FCGR2B: variants seen among roughly 807,000 people sequenced by gnomAD.
FCGR2B encodes the protein low affinity immunoglobulin gamma Fc region receptor II-b.
Under a neutral mutation model 24.8 loss-of-function variants are expected in FCGR2B, and 18 were observed. That is an observed-to-expected ratio of 0.73 (90% CI 0.50 to 1.08). FCGR2B has a LOEUF of 1.08. FCGR2B is among the 50% of genes least tolerant of loss of function. The pLI, the probability that FCGR2B is intolerant of heterozygous loss-of-function variation, is 0.00. For synonymous variants in FCGR2B, 79 were observed against 109.8 expected (o/e 0.72, Z 1.75); for missense variants, 215 against 297.6 (o/e 0.72, Z 2.04).
chr1:161,651,709 G>A, the FCGR2B span, among the ~76,000 whole-genome samples: 1 of 120,862 alleles, frequency 8.3e-6, no homozygotes, highest in Non-Finnish European at 1.9e-5. Flanking sequence ...GCCGAGGGGG[G>A]TGGATCACCT....
rs1387078937 is a variant in FCGR2B at position 161,678,053 on chromosome 1, C to T, written c.*500C>T. On this transcript the variant is annotated 3_prime_UTR_variant, in exon 8 of 8. Coordinates refer to ENST00000358671, the MANE Select transcript of FCGR2B (RefSeq NM_001394477.1). ...CTTTTATAATAAAACATTATAAAAA[C>T]AACATTCTGTTTACCTTTTCAAGGC... The T allele has an allele frequency of 4.6e-6, 1 of 216,906 alleles. No individual in the cohort carries two copies. Among genetic ancestry groups the T allele is most frequent in the Non-Finnish European group, 9.3e-6 (1 of 107,842 alleles). 13.4% of individuals were successfully genotyped at this position (216,906 alleles called of 1,614,324 possible).
In FCGR2B at chr1:161,677,481, G is replaced by T. The variant is rs1240895640; in HGVS notation, c.861G>T (p.Glu287Asp). ...CTGGTTTCTGCCTTCTCTAGGCTGAGAACACAATCACCTATTCACTTCTCA... is the reference window on the plus strand; with the variant it reads ...CTGGTTTCTGCCTTCTCTAGGCTGATAACACAATCACCTATTCACTTCTCA... ...NPDEADKVGA[E>D]NTITYSLLMH... is the part of the protein sequence containing the mutation. The change falls in exon 8 of 8, where the codon GAG becomes GAT. Residue 287 changes from glutamate to aspartate, a missense_variant. By Grantham distance (45) the Glu-to-Asp change is conservative (BLOSUM62 2). Around this residue, in one of 5 missense-constraint regions of FCGR2B, gnomAD observed 81 missense variants for 81.6 expected, o/e 0.99. Transcript: ENST00000358671. 1 of 1,613,806 alleles carries T rather than the reference G, an allele frequency of 6.2e-7. No individual in the cohort carries two copies. Among genetic ancestry groups the T allele is most frequent in the African/African-American group, 1.3e-5 (1 of 74,914 alleles).
At chr1:161,677,254 C>T (rs1163311096) in intron 6 of FCGR2B, 74 bp from the exon 7 acceptor site, 3 of 1,485,574 alleles carry the variant, frequency 2.0e-6, no homozygotes, top group Non-Finnish European at 1.9e-6. Context: ...GTTGGTTTTG[C>T]AGCCTCAGCA....
the FCGR2B span, among the ~76,000 whole-genome samples, chr1:161,656,089 T>C: frequency 2.3e-5 from 3 of 128,668 alleles, no homozygotes; most frequent in East Asian, 3.9e-4. Context: ...ACTCCTGAGC[T>C]GAGGTGATCC....
rs1172733464 is a variant in FCGR2B at position 161,671,648 on chromosome 1, T to C, written c.390T>C (p.Ser130=). The change falls in exon 3 of 8, where the codon TCT becomes TCC. Residue 130 remains serine (S), a splice_region_variant and synonymous_variant. Transcript: ENST00000358671. The part of the protein sequence containing the change: ...LSDPVHLTVL[S]EWLVLQTPHL... ...ACCCTGTGCATCTGACTGTGCTTTC[T>C]GGTCAGTGGAGGAAGGCCCCAGGGT... 31 of 1,613,250 alleles carry C rather than the reference T, an allele frequency of 1.9e-5. No individual in the cohort carries two copies. Among genetic ancestry groups the C allele is most frequent in the South Asian group, 1.4e-4 (13 of 91,072 alleles).
chr1:161,677,566 T>C lies in FCGR2B; in HGVS notation c.*13T>C. On this transcript the variant is annotated 3_prime_UTR_variant, in exon 8 of 8. Transcript: ENST00000358671. The stretch of plus-strand genomic sequence containing the variant: ...GAACCGTATTTAGTCTCCATTGTCT[T>C]GCATTGGGATTTGAGAAGAAAATCA... 6.3e-7 allele frequency: 1 copy of C among 1,588,248 alleles called. No homozygotes were observed. The highest frequency in any genetic ancestry group is 8.6e-7 in the Non-Finnish European group (1 of 1,159,688).
chr1:161,672,697 G>A, intron 3 of FCGR2B: 1 of 513,620 alleles, frequency 1.9e-6, no homozygotes, highest in East Asian at 3.5e-5. Flanking sequence ...AGAAGGAGGA[G>A]ATGAGTGTAT....
Position 161,671,439 on chromosome 1 carries a change from G to A in FCGR2B, c.181G>A (p.Val61Met), listed in dbSNP as rs760040736. 5 of 1,614,160 alleles carry A rather than the reference G, an allele frequency of 3.1e-6. No homozygotes were observed. The highest frequency in any genetic ancestry group is 2.2e-5 in the East Asian group (1 of 44,868). ...GAAACTCGAGCCCCAGTGGATCAAC[G>A]TGCTCCAGGAGGACTCTGTGACTCT... ...VLKLEPQWIN[V>M]LQEDSVTLTC... is the part of the protein sequence containing the mutation. The change falls in exon 3 of 8, where the codon GTG becomes ATG. Residue 61 changes from valine to methionine, a missense_variant. By Grantham distance (21) the Val-to-Met change is conservative. Transcript: ENST00000358671.
chr1:161,647,637 C>T, the FCGR2B span, among the ~76,000 whole-genome samples: 1 of 150,692 alleles, frequency 6.6e-6, no homozygotes, highest in Non-Finnish European at 1.5e-5. Flanking sequence ...TCCCCTAGAC[C>T]ATTAGTTGGC....
intron 6 of FCGR2B, 58 bp downstream of exon 6, chr1:161,675,371 T>C (rs1385824353): frequency 3.5e-5 from 45 of 1,293,880 alleles, no homozygotes; most frequent in Admixed American, 4.6e-5. Context: ...CCGGCTGGAC[T>C]GGAGCCAGGG....
the FCGR2B span, among the ~76,000 whole-genome samples, chr1:161,654,339 C>G: frequency 1.7e-5 from 2 of 118,884 alleles, no homozygotes; most frequent in Non-Finnish European, 4.0e-5. Flanking sequence ...TTTCCAGCCC[C>G]TTCCCCAAGG....
rs1374940236 is a variant in FCGR2B at position 161,667,390 on chromosome 1, C to T, written c.113-2862C>T. On this transcript the variant is annotated intron_variant, in intron 1 of 7. Coordinates refer to ENST00000358671, the MANE Select transcript of FCGR2B (RefSeq NM_001394477.1). ...TGGCAGTTCAGTGTCCTTTTGAATG[C>T]GGTGATCGCACATTTACTGCGTCAA... Among the ~76,000 whole-genome samples the T allele has an allele frequency of 7.9e-5, 10 of 126,934 alleles. 2 individuals carry two copies. The highest frequency in any genetic ancestry group is 1.4e-4 in the Non-Finnish European group (8 of 58,940). 83.3% of individuals were successfully genotyped at this position (126,934 alleles called of 152,430 possible). A position where few individuals can be genotyped will look rare whatever the true frequency, so the allele number is the denominator to read the frequency against.
chr1:161,661,378 A>G (rs1243045805), upstream of FCGR2B, among the ~76,000 whole-genome samples: 1 of 124,584 alleles, frequency 8.0e-6, no homozygotes, highest in Non-Finnish European at 1.7e-5. Context: ...AAGACAGCAC[A>G]TAATTGACTA....
At chr1:161,654,217 G>A in the FCGR2B span, among the ~76,000 whole-genome samples, 2 of 132,390 alleles carry the variant, frequency 1.5e-5, no homozygotes, top group East Asian at 2.0e-4. Flanking sequence ...TTCTAGTCCC[G>A]CCTCAGTTTT....
At chr1:161,654,803 T>G in the FCGR2B span, among the ~76,000 whole-genome samples, 1 of 128,232 alleles carries the variant, frequency 7.8e-6, no homozygotes, top group African/African-American at 2.5e-5. Flanking sequence ...TTTCAGGGTA[T>G]TTGGTTGCCT....
intron 5 of FCGR2B, chr1:161,674,933 A>G (rs1414575241): frequency 3.9e-6 from 1 of 256,118 alleles, no homozygotes; most frequent in Non-Finnish European, 7.4e-6. Context: ...GTTACTGATG[A>G]TAAGTAAATA....
rs781046527 is a variant in FCGR2B at position 161,671,583 on chromosome 1, G to A, written c.325G>A (p.Gly109Arg). Residue 109 changes from glycine to arginine, a missense_variant, in exon 3 of 8, where the codon GGG becomes AGG. Around this residue, in one of 5 missense-constraint regions of FCGR2B, gnomAD observed 39 missense variants for 73.3 expected, o/e 0.53. Coordinates refer to ENST00000358671, the MANE Select transcript of FCGR2B (RefSeq NM_001394477.1). ...GTTCAAGGCCAACAACAATGACAGC[G>A]GGGAGTACACGTGCCAGACTGGCCA... ...YRFKANNNDS[G>R]EYTCQTGQTS... 9 of 1,614,030 alleles carry A rather than the reference G, an allele frequency of 5.6e-6. No individual in the cohort carries two copies. Among genetic ancestry groups the A allele is most frequent in the African/African-American group, 1.3e-5 (1 of 74,906 alleles).
At chr1:161,669,585 A>G (rs564708827) in intron 1 of FCGR2B, among the ~76,000 whole-genome samples, 1 of 131,154 alleles carries the variant, frequency 7.6e-6, no homozygotes, top group Non-Finnish European at 1.7e-5. Flanking sequence ...AAAATAAAAT[A>G]AAATAAAATA....
At chr1:161,661,230 G>A (rs371232908), upstream of FCGR2B, among the ~76,000 whole-genome samples, 6 of 71,696 alleles carry the variant, frequency 8.4e-5, no homozygotes, top group African/African-American at 2.8e-4. Flanking sequence ...AAGAAAGAAA[G>A]AAAGAAAGAA....
Sources: gnomAD v4.1 joint callset for allele counts (sites outside exome capture counted in the v4.1 genomes callset) on GRCh38, gnomAD v4.1.1 for gene constraint, gnomAD v4.1.1 regional missense constraint, MANE v1.5 for transcripts, NCBI Gene and HGNC (gene_info 2026-07-23, HGNC 2026-07-21) for gene names.